Variants in CCNB3 observed in about 807,000 individuals in gnomAD.
The protein encoded by CCNB3 is cyclin B3.
A neutral mutation model predicts 68.0 loss-of-function variants in CCNB3; 12 were observed. The observed-to-expected ratio is 0.18, with a 90% CI of 0.11 to 0.29. CCNB3 has a LOEUF of 0.29. CCNB3 is among the 10% of genes least tolerant of loss of function. The probability of loss-of-function intolerance (pLI) is 1.00; values close to 1 mark genes in which losing one functional copy is unlikely to be tolerated. For missense variants in CCNB3, 904 were observed against 993.1 expected (o/e 0.91, Z 1.21); for synonymous variants, 354 against 388.9 (o/e 0.91, Z 1.06).
At chrX:50,331,360 T>C (rs2147087710) in intron 8 of CCNB3, among the ~76,000 whole-genome samples, 1 of 111,990 alleles carries the variant, frequency 8.9e-6, no homozygotes, top group East Asian at 2.8e-4. Context: ...TTACTAAATG[T>C]ATTCCTTTCT....
At chrX:50,315,998 T>C (rs1323964025) in intron 8 of CCNB3, among the ~76,000 whole-genome samples, 2 of 111,302 alleles carry the variant, frequency 1.8e-5, no homozygotes, top group African/African-American at 6.5e-5. Flanking sequence ...GGTAATATGG[T>C]TTGGCTATGT....
At chrX:50,286,660 G>GT (rs1272584173) in intron 3 of CCNB3, among the ~76,000 whole-genome samples, 18 of 68,028 alleles carry the variant, frequency 2.6e-4, no homozygotes, top group Middle Eastern at 0.014. Context: ...TTGTTTGTTT[G>GT]TTTTTTTTGA....
chrX:50,279,872 AATAT>A (rs1288205784), intron 1 of CCNB3, among the ~76,000 whole-genome samples: 9 of 87,407 alleles, frequency 1.0e-4, no homozygotes, highest in Non-Finnish European at 1.5e-4. Flanking sequence ...CTATATATAA[AATAT>A]ATATAGTATA....
At chrX:50,312,454 A>G in intron 6 of CCNB3, 83 bp from the exon 7 acceptor site, 1 of 772,299 alleles carries the variant, frequency 1.3e-6, no homozygotes, top group Non-Finnish European at 2.0e-6. Flanking sequence ...CAGTGGGGAG[A>G]AAGGAGTAAT....
Position 50,207,804 on chromosome X carries a change from T to G in CCNB3, c.-113+2854T>G, listed in dbSNP as rs190050735. ...CTCATTTAAAGTGTACAACTCAATTTTTTTAGTATATTGTGTCACAGAGTT... is the reference window on the plus strand; with the variant it reads ...CTCATTTAAAGTGTACAACTCAATTGTTTTAGTATATTGTGTCACAGAGTT... On this transcript the variant is annotated intron_variant, in intron 1 of 12. Transcript: ENST00000376042. Among the ~76,000 whole-genome samples the G allele has an allele frequency of 6.5e-3, 733 of 111,990 alleles. 3 individuals are homozygous for G. Among genetic ancestry groups the G allele is most frequent in the Middle Eastern group, 9.2e-3 (2 of 217 alleles).
intron 1 of CCNB3, among the ~76,000 whole-genome samples, chrX:50,279,560 A>T (rs1163209468): frequency 5.0e-4 from 43 of 86,616 alleles, no homozygotes; most frequent in Non-Finnish European, 4.5e-4. Flanking sequence ...TAAATATATG[A>T]ATATATATTT....
intron 5 of CCNB3, among the ~76,000 whole-genome samples, chrX:50,299,519 C>A (rs1184688438): frequency 3.6e-5 from 4 of 111,493 alleles, no homozygotes; most frequent in Non-Finnish European, 7.5e-5. Context: ...AGTTTCTGTT[C>A]TTTACCATTT....
chrX:50,219,156 G>A (rs1935631542), intron 1 of CCNB3, among the ~76,000 whole-genome samples: 1 of 111,557 alleles, frequency 9.0e-6, no homozygotes, highest in South Asian at 3.7e-4. Flanking sequence ...ATTCTTTGTA[G>A]ATTCTGGATA....
At chrX:50,294,404 G>A (rs1490211091) in intron 4 of CCNB3, among the ~76,000 whole-genome samples, 2 of 111,748 alleles carry the variant, frequency 1.8e-5, no homozygotes, top group Non-Finnish European at 3.8e-5. Context: ...AGATGGGATA[G>A]ATATATCACA....
intron 10 of CCNB3, among the ~76,000 whole-genome samples, 181 bp downstream of exon 10, chrX:50,346,988 T>G (rs1220672691): frequency 9.1e-6 from 1 of 110,442 alleles, no homozygotes; most frequent in Non-Finnish European, 1.9e-5. Flanking sequence ...GGGAGGTGGG[T>G]GGGGGTGAGT....
chrX:50,228,796 G>A (rs1333369309), intron 1 of CCNB3, among the ~76,000 whole-genome samples: 1 of 47,209 alleles, frequency 2.1e-5, no homozygotes, highest in African/African-American at 8.4e-5. Flanking sequence ...TATATATATA[G>A]AATAGATATA....
intron 8 of CCNB3, among the ~76,000 whole-genome samples, chrX:50,338,029 T>A (rs1192133360): frequency 8.9e-6 from 1 of 111,900 alleles, no homozygotes; most frequent in Non-Finnish European, 1.9e-5. Context: ...ACCAGTTCCT[T>A]CCTGGTGTTC....
At chrX:50,210,025 T>G in intron 1 of CCNB3, among the ~76,000 whole-genome samples, 1 of 112,263 alleles carries the variant, frequency 8.9e-6, no homozygotes, top group Admixed American at 9.5e-5. Flanking sequence ...TTTTGAAAGT[T>G]TTTCTTCCTT....
At chrX:50,227,928 C>A (rs1366488217) in intron 1 of CCNB3, among the ~76,000 whole-genome samples, 6 of 57,801 alleles carry the variant, frequency 1.0e-4, no homozygotes, top group Admixed American at 2.4e-4. Flanking sequence ...AATGTATAGA[C>A]AGAATATATA....
At chrX:50,221,041 A>G (rs933622891) in intron 1 of CCNB3, among the ~76,000 whole-genome samples, 70 of 110,603 alleles carry the variant, frequency 6.3e-4, no homozygotes, top group African/African-American at 2.1e-3. Flanking sequence ...TTTCTTCTAG[A>G]TTTTCTAGTT....
chrX:50,212,615 A>C (rs1480216939), intron 1 of CCNB3, among the ~76,000 whole-genome samples: 4 of 110,911 alleles, frequency 3.6e-5, no homozygotes, highest in Non-Finnish European at 7.6e-5. Context: ...ATCAATTTAG[A>C]GCTTTTTTAA....
intron 9 of CCNB3, among the ~76,000 whole-genome samples, chrX:50,346,162 C>A (rs782137912): frequency 8.9e-6 from 1 of 112,329 alleles, no homozygotes; most frequent in Non-Finnish European, 1.9e-5. Context: ...TGCCTGTCTG[C>A]CTCTCCACTT....
intron 8 of CCNB3, among the ~76,000 whole-genome samples, chrX:50,337,894 T>C (rs1050491087): frequency 2.7e-5 from 3 of 111,355 alleles, no homozygotes; most frequent in African/African-American, 9.8e-5. Flanking sequence ...CCAAGTCAAG[T>C]CAAAAACAAA....
chrX:50,298,252 G>A (rs1239933134), intron 5 of CCNB3, among the ~76,000 whole-genome samples: 9 of 111,602 alleles, frequency 8.1e-5, no homozygotes, highest in African/African-American at 2.9e-4. Context: ...CATTCAGTAT[G>A]ATATTGGCTG....
Sources: allele counts gnomAD v4.1 joint callset (sites outside exome capture counted in the v4.1 genomes callset), GRCh38; gene constraint gnomAD v4.1.1; transcripts MANE v1.5; gene names NCBI Gene and HGNC (gene_info 2026-07-23, HGNC 2026-07-21).